The following EFEMP1 variants were observed in gnomAD, a reference collection of about 807,000 sequenced individuals.
EFEMP1 encodes the protein EGF-containing fibulin-like extracellular matrix protein 1.
In EFEMP1, 18 loss-of-function variants were observed where a neutral mutation model predicts 65.7. That is an observed-to-expected ratio of 0.27 (90% CI 0.19 to 0.41). The LOEUF is 0.41. Among genes scored for constraint, EFEMP1 ranks in the 10% least tolerant of loss-of-function variants. EFEMP1 has a pLI of 1.00. For missense variants in EFEMP1, 469 were observed against 624.8 expected, an observed-to-expected ratio of 0.75 and a Z score of 2.66; for synonymous variants, 237 against 219.7, an observed-to-expected ratio of 1.08 and a Z score of -0.70.
At chr2:55,894,866 T>C (rs1439880732) in intron 5 of EFEMP1, among the ~76,000 whole-genome samples, 1 of 152,166 alleles carries the variant, frequency 6.6e-6, no homozygotes, top group Non-Finnish European at 1.5e-5. Context: ...AATAGGGTGA[T>C]GAATCACGTG....
At chr2:55,906,417 T>C (rs1670279060) in intron 5 of EFEMP1, among the ~76,000 whole-genome samples, 1 of 152,062 alleles carries the variant, frequency 6.6e-6, no homozygotes, top group South Asian at 2.1e-4. Flanking sequence ...AGGGACGGGG[T>C]TTCACCATGT....
chr2:55,877,604 A>G lies in EFEMP1; in HGVS notation c.760+142T>C. The G allele has an allele frequency of 7.5e-7, 1 of 1,332,542 alleles. No homozygotes were observed. Among genetic ancestry groups the G allele is most frequent in the East Asian group, 2.5e-5 (1 of 39,432 alleles). 82.5% of individuals were successfully genotyped at this position (1,332,542 alleles called of 1,614,324 possible). A position where few individuals can be genotyped will look rare whatever the true frequency, so the allele number is the denominator to read the frequency against. On this transcript the variant is annotated intron_variant, in intron 7 of 11. Coordinates refer to ENST00000355426, the MANE Select transcript of EFEMP1 (RefSeq NM_001039348.3). This position sits in a 1 kb window ranked among gnomAD's most constrained non-coding sequence, Gnocchi z 4.5. Reference sequence around the variant, plus strand: ...ATGTGTTTTAAGACACAGATTGGTTATTATCTTTTAAGCTTTATGATTGCT... The same window carrying G: ...ATGTGTTTTAAGACACAGATTGGTTGTTATCTTTTAAGCTTTATGATTGCT...
intron 11 of EFEMP1, among the ~76,000 whole-genome samples, chr2:55,869,552 A>C (rs1384610326): frequency 1.3e-5 from 2 of 152,190 alleles, no homozygotes; most frequent in Non-Finnish European, 1.5e-5. Flanking sequence ...TGGCAAAGAA[A>C]TAATATCACA....
At chr2:55,880,706 G>T (rs1050303277) in intron 6 of EFEMP1, among the ~76,000 whole-genome samples, 1 of 152,216 alleles carries the variant, frequency 6.6e-6, no homozygotes, top group African/African-American at 2.4e-5. Flanking sequence ...GTAAGAAGGG[G>T]TATGTAAATA....
At chr2:55,910,255 A>G (rs982674334) in intron 5 of EFEMP1, among the ~76,000 whole-genome samples, 6 of 152,144 alleles carry the variant, frequency 3.9e-5, no homozygotes, top group African/African-American at 1.2e-4. Flanking sequence ...CAAACCTGCA[A>G]TTCTTTTTAA....
In EFEMP1 at chr2:55,921,300, A is replaced by G. The variant is rs550269327; in HGVS notation, c.81+1060T>C. 4.6e-5 allele frequency among the ~76,000 whole-genome samples: 7 copies of G among 152,344 alleles called. No individual in the cohort carries two copies. The highest frequency in any genetic ancestry group is 1.7e-4 in the African/African-American group (7 of 41,580). ...ATATTTGTATTAAGCTATTTTATTT[A>G]TAGTGGATCTGAACAACAGAAAGGA... On this transcript the variant is annotated intron_variant, in intron 3 of 11. Coordinates refer to ENST00000355426, the MANE Select transcript of EFEMP1 (RefSeq NM_001039348.3). The surrounding 1 kb of genome is among the most constrained non-coding windows in gnomAD (Gnocchi z 4.1).
rs183279890 is a variant in EFEMP1, at chr2:55,880,623, G to C, written c.640+989C>G. 1.7e-3 allele frequency among the ~76,000 whole-genome samples: 258 copies of C among 152,334 alleles called. 1 individual carries two copies. Among genetic ancestry groups the C allele is most frequent in the Non-Finnish European group, 3.0e-3 (202 of 68,034 alleles). On this transcript the variant is annotated intron_variant, in intron 6 of 11. Coordinates refer to ENST00000355426, the MANE Select transcript of EFEMP1 (RefSeq NM_001039348.3). Reference sequence around the variant, plus strand: ...CAGCTCACATTCTCAGGCGAAAACTGACGCTGGTTGTCTGTCCCCACATCC... The same window carrying C: ...CAGCTCACATTCTCAGGCGAAAACTCACGCTGGTTGTCTGTCCCCACATCC...
chr2:55,902,214 A>G (rs1396251713), intron 5 of EFEMP1, among the ~76,000 whole-genome samples: 1 of 152,222 alleles, frequency 6.6e-6, no homozygotes, highest in Non-Finnish European at 1.5e-5. Context: ...AGACTTCCTT[A>G]TGGTTCATAT....
In EFEMP1 at chr2:55,867,753, A is replaced by G. The variant is rs992101260; in HGVS notation, c.1321-519T>C. Among the ~76,000 whole-genome samples the G allele has an allele frequency of 7.9e-5, 12 of 152,188 alleles. No individual in the cohort carries two copies. The highest frequency in any genetic ancestry group is 1.6e-4 in the Non-Finnish European group (11 of 68,032). On this transcript the variant is annotated intron_variant, in intron 11 of 11. Transcript: ENST00000355426. The surrounding 1 kb of genome is among the most constrained non-coding windows in gnomAD (Gnocchi z 4.3). ...TGTATGTATAAAGGGAAGAAAAGGA[A>G]GAGCCCTGAAGCACTGAGGGAAAGC... is the stretch of plus-strand genomic sequence containing the variant.
At chr2:55,891,534 T>C (rs1244786658) in intron 5 of EFEMP1, among the ~76,000 whole-genome samples, 23 of 152,116 alleles carry the variant, frequency 1.5e-4, no homozygotes, top group Admixed American at 1.5e-3. Context: ...ATACTTTCTC[T>C]CATTTGACAC....
intron 5 of EFEMP1, among the ~76,000 whole-genome samples, chr2:55,894,133 A>G (rs1252956744): frequency 6.6e-6 from 1 of 152,230 alleles, no homozygotes; most frequent in African/African-American, 2.4e-5. Flanking sequence ...TGAAGTATTA[A>G]TATTTATAAA....
chr2:55,907,976 T>G (rs1159386857), intron 5 of EFEMP1, among the ~76,000 whole-genome samples: 1 of 152,218 alleles, frequency 6.6e-6, no homozygotes, highest in Non-Finnish European at 1.5e-5. Context: ...CACTCTTATT[T>G]CACCTACAGT....
chr2:55,895,145 G>A (rs1267358225), intron 5 of EFEMP1, among the ~76,000 whole-genome samples: 2 of 152,170 alleles, frequency 1.3e-5, no homozygotes, highest in Admixed American at 1.3e-4. Flanking sequence ...GGCTGTCCCT[G>A]CCATCTTCAC....
At chr2:55,904,410 G>T (rs1670163928) in intron 5 of EFEMP1, among the ~76,000 whole-genome samples, 1 of 152,180 alleles carries the variant, frequency 6.6e-6, no homozygotes, top group East Asian at 1.9e-4. Context: ...ACTTGACTGG[G>T]CTAAGGGATG....
At chr2:55,918,459 C>T (rs764302679) in intron 3 of EFEMP1, among the ~76,000 whole-genome samples, 192 bp from the exon 4 acceptor site, 7 of 152,050 alleles carry the variant, frequency 4.6e-5, no homozygotes, top group Non-Finnish European at 7.4e-5. Context: ...TGGACAGCTT[C>T]GGGGGTCCAT....
rs1670948169 is a variant in EFEMP1 at position 55,922,697 on chromosome 2, T to C, written c.-8+202A>G. The C allele has an allele frequency of 6.3e-6, 3 of 475,750 alleles. No homozygotes were observed. The highest frequency in any genetic ancestry group is 6.7e-5 in the Admixed American group (2 of 29,670). The allele number at this position is 475,750 out of a possible 1,614,324, so 29.5% of individuals were successfully genotyped here. A position where few individuals can be genotyped will look rare whatever the true frequency, so the allele number is the denominator to read the frequency against. ...CGTTACTCCATCCTGCTACGCTGTT[T>C]ACATACAAAAGACATTCAGCGTGCA... On this transcript the variant is annotated intron_variant, in intron 2 of 11. Coordinates refer to ENST00000355426, the MANE Select transcript of EFEMP1 (RefSeq NM_001039348.3). This position sits in a 1 kb window ranked among gnomAD's most constrained non-coding sequence, Gnocchi z 5.5.
Position 55,922,512 on chromosome 2 carries a change from G to C in EFEMP1, c.-7-65C>G. The stretch of plus-strand genomic sequence containing the variant: ...CTGCGGGGAAAGTAACAAAACTTTA[G>C]CAGTGAGCACAAGCGAGGAAAGGAG... On this transcript the variant is annotated intron_variant, in intron 2 of 11. Transcript: ENST00000355426. The surrounding 1 kb of genome is among the most constrained non-coding windows in gnomAD (Gnocchi z 5.5). 6.9e-7 allele frequency: 1 copy of C among 1,440,198 alleles called. No individual in the cohort carries two copies. Among genetic ancestry groups the C allele is most frequent in the South Asian group, 1.1e-5 (1 of 87,260 alleles). 89.2% of individuals were successfully genotyped at this position (1,440,198 alleles called of 1,614,324 possible). A position where few individuals can be genotyped will look rare whatever the true frequency, so the allele number is the denominator to read the frequency against.
intron 8 of EFEMP1, among the ~76,000 whole-genome samples, chr2:55,876,090 C>T (rs1020128244): frequency 6.6e-6 from 1 of 152,044 alleles, no homozygotes; most frequent in Non-Finnish European, 1.5e-5. Context: ...AATGGCCCTC[C>T]TCTTGTTCAT....
Position 55,876,710 on chromosome 2 carries a change from C to T in EFEMP1, c.793G>A (p.Ala265Thr). The T allele has an allele frequency of 6.2e-7, 1 of 1,610,684 alleles. No individual in the cohort carries two copies. Among genetic ancestry groups the T allele is most frequent in the South Asian group, 1.1e-5 (1 of 90,748 alleles). Residue 265 changes from alanine (A) to threonine (T), a missense_variant, in exon 8 of 12, where the codon GCT (alanine) becomes ACT (threonine). Transcript: ENST00000355426. The stretch of plus-strand genomic sequence containing the variant: ...CCAAGAATGTTGTAGCACTGCTGAG[C>T]ACATTGATTGCTGGCATCACATTCA... Reference protein sequence around the residue: ...INECDASNQCAQQCYNILGSF... With the variant: ...INECDASNQCTQQCYNILGSF...
Sources: gnomAD v4.1 joint callset for allele counts (sites outside exome capture counted in the v4.1 genomes callset) on GRCh38, gnomAD v4.1.1 for gene constraint, Gnocchi (gnomAD v3.1) non-coding constraint, MANE v1.5 for transcripts, NCBI Gene and HGNC (gene_info 2026-07-23, HGNC 2026-07-21) for gene names.